Variants in LAMA5 observed in about 807,000 individuals in gnomAD.
LAMA5 encodes laminin subunit alpha-5.
In LAMA5, 260 loss-of-function variants were observed where a neutral mutation model predicts 433.4. That is an observed-to-expected ratio of 0.60 (90% CI 0.54 to 0.66). The LOEUF (loss-of-function observed/expected upper bound fraction) is 0.66. Among genes scored for constraint, LAMA5 ranks in the 30% least tolerant of loss-of-function variants. LAMA5 has a pLI of 0.00. For synonymous variants in LAMA5, 2,620 were observed against 2,226.6 expected (o/e 1.18, Z -4.97); for missense variants, 5,378 against 5,258.5 (o/e 1.02, Z -0.70).
chr20:62,352,003 T>C lies in LAMA5; in HGVS notation c.764A>G (p.Lys255Arg), dbSNP rs372435107. 1.9e-6 allele frequency: 3 copies of C among 1,612,572 alleles called. No homozygotes were observed. Among genetic ancestry groups the C allele is most frequent in the Non-Finnish European group, 2.5e-6 (3 of 1,179,940 alleles). The change falls in exon 5 of 80, where the codon AAG becomes AGG. Residue 255 changes from lysine (K) to arginine (R), a missense_variant. Physicochemically the swap from Lys to Arg is conservative, Grantham distance 26 (BLOSUM62 2). Coordinates refer to ENST00000252999, the MANE Select transcript of LAMA5 (RefSeq NM_005560.6). Reference sequence around the variant, plus strand: ...GAAGCGCAGGCGGACGTTGGTGGCCTTGGTGAACTCACGTAGCAGCGGCGA... The same window carrying C: ...GAAGCGCAGGCGGACGTTGGTGGCCCTGGTGAACTCACGTAGCAGCGGCGA... ...SYSPLLREFT[K>R]ATNVRLRFLR...
chr20:62,312,969 C>T lies in LAMA5; in HGVS notation c.8997G>A (p.Val2999=). ...GGCCAGCCCCAAAGTCATACAACAG[C>T]ACGAGGCTGCCTTCTTGCACGGCCA... ...LCLAVQEGSL[V]LLYDFGAGLK... is the part of the protein sequence containing the mutation. Residue 2999 remains valine (V), a synonymous_variant, in exon 66 of 80, where the codon GTG becomes GTA. Coordinates refer to ENST00000252999, the MANE Select transcript of LAMA5 (RefSeq NM_005560.6). The T allele has an allele frequency of 6.3e-7, 1 of 1,581,862 alleles. No homozygotes were observed.
At chr20:62,335,294 G>C in intron 18 of LAMA5, 25 bp from the exon 19 acceptor site, 1 of 1,610,726 alleles carries the variant, frequency 6.2e-7, no homozygotes, top group Non-Finnish European at 8.5e-7. Flanking sequence ...GCAGGACTCA[G>C]ATGCTTGGTG....
At chr20:62,331,162 C>G (rs371985771) in intron 28 of LAMA5, 33 bp from the exon 29 acceptor site, 1 of 1,389,998 alleles carries the variant, frequency 7.2e-7, no homozygotes, top group African/African-American at 1.6e-5. Flanking sequence ...CTGCAACGCC[C>G]GTGGTGCGGG....
chr20:62,325,347 C>T lies in LAMA5; in HGVS notation c.5498G>A (p.Cys1833Tyr). 6.3e-7 allele frequency: 1 copy of T among 1,599,556 alleles called. No homozygotes were observed. Among genetic ancestry groups the T allele is most frequent in the Non-Finnish European group, 8.5e-7 (1 of 1,171,300 alleles). Residue 1833 changes from cysteine (C) to tyrosine (Y), a missense_variant, in exon 41 of 80, where the codon TGC becomes TAC. Coordinates refer to ENST00000252999, the MANE Select transcript of LAMA5 (RefSeq NM_005560.6). ...TGAGTCCCCCCGGTAGCTGGCGGGG[C>T]ACAGGCACAGCTCCACATTGCTGGC... ...ALASNVELCL[C>Y]PASYRGDSCQ...
intron 4 of LAMA5, 58 bp downstream of exon 4, chr20:62,352,184 C>T (rs1172125172): frequency 1.3e-6 from 2 of 1,561,820 alleles, no homozygotes; most frequent in Non-Finnish European, 1.7e-6. Context: ...CACTGCCCCT[C>T]CCCTACCCAC....
chr20:62,366,848 C>A, intron 1 of LAMA5, 101 bp downstream of exon 1: 1 of 1,225,118 alleles, frequency 8.2e-7, no homozygotes, highest in African/African-American at 1.6e-5. Flanking sequence ...AGAGTCCGCA[C>A]CTGGACTCGC....
Position 62,314,294 on chromosome 20 carries a change from G to A in LAMA5, c.8504+10C>T. The A allele has an allele frequency of 2.5e-6, 4 of 1,612,416 alleles. No homozygotes were observed. Among genetic ancestry groups the A allele is most frequent in the Non-Finnish European group, 3.4e-6 (4 of 1,179,580 alleles). On this transcript the variant is annotated intron_variant, in intron 62 of 79. Transcript: ENST00000252999. Reference sequence around the variant, plus strand: ...TTGGAGGCATCCGGCCTCTCTCCTGGGCCTCCCACCTGTCCAGGCTGACAG... The same window carrying A: ...TTGGAGGCATCCGGCCTCTCTCCTGAGCCTCCCACCTGTCCAGGCTGACAG...
In LAMA5 at chr20:62,310,483, G is replaced by A; in HGVS notation, c.10536C>T (p.Pro3512=). 6.3e-7 allele frequency: 1 copy of A among 1,583,900 alleles called. No individual in the cohort carries two copies. The highest frequency in any genetic ancestry group is 2.2e-5 in the East Asian group (1 of 44,816). ...GAPTRMAGVT[P]CILGPLEAGL... ...CCGCCTCCAGGGGGCCCAAGATGCA[G>A]GGTGTGACCCCTGCCATCCGTGTGG... Residue 3512 remains proline (P), a synonymous_variant, in exon 76 of 80, where the codon CCC becomes CCT. Transcript: ENST00000252999.
At chr20:62,342,389 T>C in intron 11 of LAMA5, 1 of 281,740 alleles carries the variant, frequency 3.5e-6, no homozygotes, top group Admixed American at 5.0e-5. Flanking sequence ...GAAAAACAGG[T>C]ATCAGAGACC....
At chr20:62,316,087 G>T in intron 57 of LAMA5, 29 bp from the exon 58 acceptor site, 1 of 1,515,510 alleles carries the variant, frequency 6.6e-7, no homozygotes. Flanking sequence ...CAGCTCCCAG[G>T]CAGCTTCACC....
chr20:62,356,640 C>T (rs1240245422), intron 2 of LAMA5, among the ~76,000 whole-genome samples: 1 of 152,282 alleles, frequency 6.6e-6, no homozygotes, highest in African/African-American at 2.4e-5. Flanking sequence ...CCGGTGACCA[C>T]TGCCTCACAG....
At chr20:62,321,725 G>A in intron 48 of LAMA5, among the ~76,000 whole-genome samples, 1 of 116,242 alleles carries the variant, frequency 8.6e-6, no homozygotes, top group Admixed American at 8.5e-5. Flanking sequence ...GAGGGGTGGG[G>A]TCAGTGGAGG....
chr20:62,318,408 G>A, intron 53 of LAMA5, 46 bp downstream of exon 53: 1 of 1,487,048 alleles, frequency 6.7e-7, no homozygotes, highest in South Asian at 1.1e-5. Flanking sequence ...TTGCAGGGAG[G>A]AGGCGGGAAG....
intron 54 of LAMA5, 58 bp downstream of exon 54, chr20:62,317,604 G>T: frequency 6.6e-7 from 1 of 1,517,802 alleles, no homozygotes; most frequent in Non-Finnish European, 8.9e-7. Flanking sequence ...CTGCCCACGG[G>T]CCTGGGAGGG....
rs1978477675 is a variant in LAMA5, at chr20:62,322,651, G to A, written c.6165+7C>T. 1.7e-6 allele frequency: 2 copies of A among 1,149,316 alleles called. No homozygotes were observed. Among genetic ancestry groups the A allele is most frequent in the African/African-American group, 1.6e-5 (1 of 61,116 alleles). 71.2% of individuals were successfully genotyped at this position (1,149,316 alleles called of 1,614,324 possible). ...CCCACCCAGCCCTGCTTACCCCACA[G>A]CCCTACCTGGCAGCGGTCACAGCGC... On this transcript the variant is annotated splice_region_variant and intron_variant, in intron 46 of 79. Coordinates refer to ENST00000252999, the MANE Select transcript of LAMA5 (RefSeq NM_005560.6).
chr20:62,324,067 G>A lies in LAMA5; in HGVS notation c.5768+13C>T. The A allele has an allele frequency of 2.0e-6, 3 of 1,500,540 alleles. No individual in the cohort carries two copies. The highest frequency in any genetic ancestry group is 2.7e-6 in the Non-Finnish European group (3 of 1,127,730). 93.0% of individuals were successfully genotyped at this position (1,500,540 alleles called of 1,614,324 possible). A position where few individuals can be genotyped will look rare whatever the true frequency, so the allele number is the denominator to read the frequency against. ...CACCATCAGGGCCTCGTCCCGGGAG[G>A]AGGCTGGCTTACTTGTTGGAAGGCA... On this transcript the variant is annotated intron_variant, in intron 43 of 79. Coordinates refer to ENST00000252999, the MANE Select transcript of LAMA5 (RefSeq NM_005560.6). This position sits in a 1 kb window ranked among gnomAD's most constrained non-coding sequence, Gnocchi z 4.4.
Position 62,328,276 on chromosome 20 carries a change from T to C in LAMA5, c.4617A>G (p.Thr1539=), listed in dbSNP as rs1482960892. ...CGCTGTCTGTGTCACAGGTAGGGTC[T>C]GTGAGCTCCTGGATGCCGGGCCCTG... The part of the protein sequence containing the change: ...NCSGPGIQEL[T]DPTCDTDSGQ... The change falls in exon 35 of 80, where the codon ACA becomes ACG. Residue 1539 remains threonine (T), a synonymous_variant. Transcript: ENST00000252999. The C allele has an allele frequency of 6.2e-7, 1 of 1,608,546 alleles. No homozygotes were observed. The highest frequency in any genetic ancestry group is 1.1e-5 in the South Asian group (1 of 90,000).
At chr20:62,363,633 G>A (rs748588569) in intron 1 of LAMA5, among the ~76,000 whole-genome samples, 6 of 152,042 alleles carry the variant, frequency 3.9e-5, no homozygotes, top group African/African-American at 7.2e-5. Context: ...ACACAAAGGC[G>A]CCCTCCCAGG....
Position 62,329,758 on chromosome 20 carries a change from G to A in LAMA5, c.4119+19C>T. On this transcript the variant is annotated intron_variant, in intron 32 of 79. Coordinates refer to ENST00000252999, the MANE Select transcript of LAMA5 (RefSeq NM_005560.6). ...ATAAGGACAGCTGGTCCCTGAGCAG[G>A]ACATCAGCTGGGACTCACCAGCCAG... is the stretch of plus-strand genomic sequence containing the variant. 1 of 1,611,738 alleles carries A rather than the reference G, an allele frequency of 6.2e-7. No homozygotes were observed. Among genetic ancestry groups the A allele is most frequent in the Non-Finnish European group, 8.5e-7 (1 of 1,179,436 alleles).
Sources: allele counts gnomAD v4.1 joint callset (sites outside exome capture counted in the v4.1 genomes callset), GRCh38; gene constraint gnomAD v4.1.1; non-coding constraint Gnocchi (gnomAD v3.1); transcripts MANE v1.5; gene names NCBI Gene and HGNC (gene_info 2026-07-23, HGNC 2026-07-21).